The following SCIN variants were observed in gnomAD, a reference collection of about 807,000 sequenced individuals.
The protein encoded by SCIN is scinderin.
Under a neutral mutation model 91.8 loss-of-function variants are expected in SCIN, and 91 were observed. The ratio of observed to expected loss-of-function variants is 0.99; its 90% CI spans 0.84 to 1.18. SCIN has a LOEUF of 1.18. SCIN is among the 50% of genes most tolerant of loss of function. The pLI is 0.00. For missense variants in SCIN, 1,087 were observed against 863.9 expected (o/e 1.26, Z -3.24); for synonymous variants, 367 against 312.6 (o/e 1.17, Z -1.84).
At chr7:12,605,198 C>T (rs1783052483) in intron 4 of SCIN, among the ~76,000 whole-genome samples, 1 of 151,964 alleles carries the variant, frequency 6.6e-6, no homozygotes, top group Admixed American at 6.6e-5. Flanking sequence ...ACTACAGGCG[C>T]CCACCACCAT....
intron 3 of SCIN, among the ~76,000 whole-genome samples, chr7:12,582,056 T>C (rs923935106): frequency 2.0e-5 from 3 of 152,192 alleles, no homozygotes; most frequent in Admixed American, 6.5e-5. Context: ...ATTCTAATTA[T>C]CATTCCTAAC....
intron 13 of SCIN, among the ~76,000 whole-genome samples, chr7:12,645,359 A>G (rs2115299551): frequency 6.6e-6 from 1 of 152,240 alleles, no homozygotes; most frequent in East Asian, 1.9e-4. Context: ...AAACAGTGAG[A>G]TAGAACCTAA....
In SCIN at chr7:12,656,719, C is replaced by G. The variant is rs1389189765; in HGVS notation, c.*4004C>G. On this transcript the variant is annotated 3_prime_UTR_variant, in exon 16 of 16. Transcript: ENST00000297029. ...CGGTTGGATCACGAGGCCAGGAGTC[C>G]GAGACCAGCCTGACCAACATAGTGA... The G allele has an allele frequency of 2.0e-5, 3 of 152,070 alleles. No homozygotes were observed. The highest frequency in any genetic ancestry group is 4.4e-5 in the Non-Finnish European group (3 of 68,036). The allele number at this position is 152,070 out of a possible 1,614,324, so 9.4% of individuals were successfully genotyped here. A position where few individuals can be genotyped will look rare whatever the true frequency, so the allele number is the denominator to read the frequency against.
chr7:12,579,606 G>A (rs1260798883), intron 2 of SCIN, among the ~76,000 whole-genome samples: 1 of 152,124 alleles, frequency 6.6e-6, no homozygotes, highest in Non-Finnish European at 1.5e-5. Context: ...GTTGTATTAA[G>A]GAATAAATTA....
intron 3 of SCIN, among the ~76,000 whole-genome samples, chr7:12,591,800 G>T (rs1412067889): frequency 6.6e-6 from 1 of 152,100 alleles, no homozygotes. Flanking sequence ...TGCTGCCCTG[G>T]CTGGAGTCAT....
chr7:12,618,090 C>T (rs1252058895), intron 4 of SCIN, among the ~76,000 whole-genome samples: 1 of 152,102 alleles, frequency 6.6e-6, no homozygotes, highest in African/African-American at 2.4e-5. Flanking sequence ...CTGATAAGTT[C>T]CCCACTGCCA....
At chr7:12,573,897 C>T (rs992750367) in intron 1 of SCIN, among the ~76,000 whole-genome samples, 4 of 152,108 alleles carry the variant, frequency 2.6e-5, no homozygotes, top group African/African-American at 4.8e-5. Flanking sequence ...AGAACTTATA[C>T]GAAGGACTGG....
intron 8 of SCIN, among the ~76,000 whole-genome samples, chr7:12,627,924 G>A (rs1050510064): frequency 6.6e-6 from 1 of 152,132 alleles, no homozygotes; most frequent in Non-Finnish European, 1.5e-5. Context: ...ATAGTATGGG[G>A]TGGCCTCTCT....
intron 13 of SCIN, among the ~76,000 whole-genome samples, chr7:12,644,937 C>A: frequency 6.6e-6 from 1 of 151,170 alleles, no homozygotes; most frequent in Non-Finnish European, 1.5e-5. Context: ...ATCACTTGAA[C>A]CCAGGAGGCG....
Position 12,652,580 on chromosome 7 carries a change from T to C in SCIN, c.2021-8T>C, listed in dbSNP as rs1784103606. On this transcript the variant is annotated splice_polypyrimidine_tract_variant and splice_region_variant and intron_variant, in intron 15 of 15. Transcript: ENST00000297029. ...ACTGAATTTATATGTCTTTACAACTTTTTTTAGCCAAAATGTACCTTGAGA... is the reference window on the plus strand; with the variant it reads ...ACTGAATTTATATGTCTTTACAACTCTTTTTAGCCAAAATGTACCTTGAGA... The C allele has an allele frequency of 6.2e-7, 1 of 1,611,796 alleles. No individual in the cohort carries two copies. The highest frequency in any genetic ancestry group is 1.3e-5 in the African/African-American group (1 of 74,694).
At chr7:12,627,455 C>T (rs1044008880) in intron 8 of SCIN, among the ~76,000 whole-genome samples, 2 of 152,144 alleles carry the variant, frequency 1.3e-5, no homozygotes, top group Non-Finnish European at 2.9e-5. Flanking sequence ...TATCATATAC[C>T]TACCACAGAG....
Position 12,570,800 on chromosome 7 carries a change from T to C in SCIN, c.14T>C (p.Leu5Pro), listed in dbSNP as rs755706286. ...CGTGCAGGAGCCATGGCGCGGGAGCTATACCACGAAGAGTTCGCCCGGGCG... is the reference window on the plus strand; with the variant it reads ...CGTGCAGGAGCCATGGCGCGGGAGCCATACCACGAAGAGTTCGCCCGGGCG... Reference protein sequence around the residue: MARELYHEEFARAGK... With the variant: MAREPYHEEFARAGK... Residue 5 changes from leucine to proline, a missense_variant, in exon 1 of 16, where the codon CTA becomes CCA. Coordinates refer to ENST00000297029, the MANE Select transcript of SCIN (RefSeq NM_001112706.3). 2.6e-6 allele frequency: 4 copies of C among 1,551,110 alleles called. No individual in the cohort carries two copies. Among genetic ancestry groups the C allele is most frequent in the Non-Finnish European group, 3.5e-6 (4 of 1,146,876 alleles).
chr7:12,581,218 C>T lies in SCIN; in HGVS notation c.513C>T (p.Gly171=), dbSNP rs940218304. ...GTGACTGCTTCATCATTGACCTTGG[C>T]ACCGTAAGTTTCATATATACACATC... ...NKGDCFIIDL[G]TEIYQWCGSS... The change falls in exon 3 of 16, where the codon GGC becomes GGT. Residue 171 remains glycine, a synonymous_variant. Transcript: ENST00000297029. 3 of 1,551,110 alleles carry T rather than the reference C, an allele frequency of 1.9e-6. No homozygotes were observed. The highest frequency in any genetic ancestry group is 1.7e-6 in the Non-Finnish European group (2 of 1,146,604).
chr7:12,652,686 T>G lies in SCIN; in HGVS notation c.2119T>G (p.Phe707Val). The G allele has an allele frequency of 6.2e-7, 1 of 1,606,044 alleles. No individual in the cohort carries two copies. Among genetic ancestry groups the G allele is most frequent in the Non-Finnish European group, 8.5e-7 (1 of 1,177,442 alleles). ...TGAGCCACCCACATTCACAGGCTGG[T>G]TCCTGGGCTGGGATTCCAGCAAGTG... ...GHEPPTFTGWFLGWDSSKW is the reference protein window; with the variant it reads ...GHEPPTFTGWVLGWDSSKW The change falls in exon 16 of 16, where the codon TTC becomes GTC. Residue 707 changes from phenylalanine to valine, a missense_variant. Coordinates refer to ENST00000297029, the MANE Select transcript of SCIN (RefSeq NM_001112706.3).
At chr7:12,615,032 G>A (rs978312225) in intron 4 of SCIN, among the ~76,000 whole-genome samples, 2 of 152,104 alleles carry the variant, frequency 1.3e-5, no homozygotes, top group Non-Finnish European at 2.9e-5. Context: ...ATAAGAATAA[G>A]AAATCTGTGG....
chr7:12,650,710 G>A (rs1583325907), intron 14 of SCIN, among the ~76,000 whole-genome samples: 3 of 152,232 alleles, frequency 2.0e-5, no homozygotes, highest in African/African-American at 2.4e-5. Flanking sequence ...ACTTGACAAG[G>A]AGGAGGATAT....
Position 12,644,725 on chromosome 7 carries a change from G to C in SCIN, c.1881+20G>C. 6.5e-7 allele frequency: 1 copy of C among 1,549,530 alleles called. No homozygotes were observed. The highest frequency in any genetic ancestry group is 8.7e-7 in the Non-Finnish European group (1 of 1,146,452). ...TTTGTTGTAAGTGTCCTTAAAAATA[G>C]TGCGATAGGGCTGGTTGCGGTGGCT... On this transcript the variant is annotated intron_variant, in intron 13 of 15. Transcript: ENST00000297029.
At chr7:12,640,682 G>C (rs1332822484) in intron 11 of SCIN, among the ~76,000 whole-genome samples, 165 bp downstream of exon 11, 2 of 152,226 alleles carry the variant, frequency 1.3e-5, no homozygotes, top group Non-Finnish European at 2.9e-5. Flanking sequence ...GGAGAGTTGA[G>C]TAAAAAGTAA....
rs1782530377 is a variant in SCIN at position 12,583,576 on chromosome 7, CT to C, written c.516+2356del. 2.0e-5 allele frequency among the ~76,000 whole-genome samples: 3 copies of C among 152,292 alleles called. No homozygotes were observed. The South Asian group carries it at 6.2e-4, about 32-fold the overall frequency. On this transcript the variant is annotated intron_variant, in intron 3 of 15. Transcript: ENST00000297029. The stretch of plus-strand genomic sequence containing the variant: ...GAATGCCTTGTGACAGTTTCAGAAT[CT>C]GCTGAATTCAGAACTGATGATGCTT...
Sources: allele counts gnomAD v4.1 joint callset (sites outside exome capture counted in the v4.1 genomes callset), GRCh38; gene constraint gnomAD v4.1.1; transcripts MANE v1.5; gene names NCBI Gene and HGNC (gene_info 2026-07-23, HGNC 2026-07-21).